Variants in MARCHF1 observed in about 807,000 individuals in gnomAD.
The protein encoded by MARCHF1 is E3 ubiquitin-protein ligase MARCHF1.
MARCHF1 carries 40 observed loss-of-function variants against 54.2 expected under a neutral mutation model. The observed-to-expected ratio is 0.74, with a 90% confidence interval of 0.57 to 0.96. MARCHF1 has a LOEUF of 0.96. Among genes scored for constraint, MARCHF1 ranks in the 40% least tolerant of loss-of-function variants. The pLI is 0.00. For synonymous variants in MARCHF1, 236 were observed against 236.3 expected, an observed-to-expected ratio of 1.00 and a Z score of 0.01; for missense variants, 586 against 656.5, an observed-to-expected ratio of 0.89 and a Z score of 1.17.
chr4:163,748,676 A>G (rs1746430975), intron 4 of MARCHF1, among the ~76,000 whole-genome samples: 5 of 152,232 alleles, frequency 3.3e-5, no homozygotes, highest in Admixed American at 3.3e-4. Flanking sequence ...TCCATCCCTC[A>G]GGGCCAGGGA....
intron 1 of MARCHF1, among the ~76,000 whole-genome samples, chr4:164,229,230 GT>G (rs1191428966): frequency 6.6e-6 from 1 of 152,186 alleles, no homozygotes. Flanking sequence ...CAGTGTAATT[GT>G]TTTTAACGAT....
intron 1 of MARCHF1, among the ~76,000 whole-genome samples, chr4:164,322,792 A>G (rs1292710317): frequency 6.6e-6 from 1 of 152,056 alleles, no homozygotes; most frequent in African/African-American, 2.4e-5. Context: ...GAATGCAAGA[A>G]TATCAATAAT....
intron 4 of MARCHF1, among the ~76,000 whole-genome samples, chr4:163,848,804 A>G (rs1233310339): frequency 6.6e-6 from 1 of 152,192 alleles, no homozygotes; most frequent in Non-Finnish European, 1.5e-5. Flanking sequence ...AAAGATTTTC[A>G]GCTCAATAAA....
chr4:163,633,039 G>C (rs1033097506), intron 5 of MARCHF1, among the ~76,000 whole-genome samples: 5 of 152,086 alleles, frequency 3.3e-5, no homozygotes, highest in Non-Finnish European at 2.9e-5. Context: ...TGAGGGTCCT[G>C]TCTGTTAGAA....
intron 1 of MARCHF1, among the ~76,000 whole-genome samples, chr4:164,134,260 T>C (rs921428400): frequency 5.3e-5 from 8 of 152,184 alleles, no homozygotes; most frequent in African/African-American, 1.7e-4. Context: ...GCAAGAACAA[T>C]TGATTGGTTG....
chr4:164,129,108 T>C (rs1028843078), intron 1 of MARCHF1, among the ~76,000 whole-genome samples: 1 of 152,156 alleles, frequency 6.6e-6, no homozygotes, highest in Non-Finnish European at 1.5e-5. Context: ...TGTGAATACC[T>C]CTCCTTGGAG....
At chr4:163,623,064 A>G (rs1459171489) in intron 5 of MARCHF1, among the ~76,000 whole-genome samples, 1 of 152,196 alleles carries the variant, frequency 6.6e-6, no homozygotes, top group Non-Finnish European at 1.5e-5. Context: ...GCAAGGCAGG[A>G]AATCTGGTTT....
intron 2 of MARCHF1, among the ~76,000 whole-genome samples, chr4:164,100,647 A>G (rs1270379981): frequency 6.6e-6 from 1 of 152,198 alleles, no homozygotes; most frequent in East Asian, 1.9e-4. Context: ...TGCCTTTCAC[A>G]TTCTCATTAA....
intron 1 of MARCHF1, among the ~76,000 whole-genome samples, chr4:164,205,950 TTAA>T (rs1419585186): frequency 6.6e-6 from 1 of 152,164 alleles, no homozygotes; most frequent in Non-Finnish European, 1.5e-5. Flanking sequence ...ACAATGACCA[TTAA>T]TAATAGGCTC....
intron 3 of MARCHF1, among the ~76,000 whole-genome samples, chr4:163,875,760 C>A (rs145031568): frequency 1.3e-5 from 2 of 152,078 alleles, no homozygotes; most frequent in Non-Finnish European, 2.9e-5. Flanking sequence ...AACAATACAA[C>A]GAGGTCAGGT....
At chr4:164,016,227 G>C (rs1429656364) in intron 2 of MARCHF1, among the ~76,000 whole-genome samples, 2 of 152,124 alleles carry the variant, frequency 1.3e-5, no homozygotes, top group East Asian at 3.9e-4. Flanking sequence ...TACAATTATG[G>C]CAGAAAGGGA....
At chr4:164,142,103 G>C (rs1756554597) in intron 1 of MARCHF1, among the ~76,000 whole-genome samples, 1 of 152,210 alleles carries the variant, frequency 6.6e-6, no homozygotes, top group Non-Finnish European at 1.5e-5. Flanking sequence ...CGAATACTGT[G>C]CTTTTCCAAC....
At chr4:164,096,264 A>C (rs1755410144) in intron 2 of MARCHF1, among the ~76,000 whole-genome samples, 1 of 152,172 alleles carries the variant, frequency 6.6e-6, no homozygotes, top group African/African-American at 2.4e-5. Context: ...TATCCTTTGC[A>C]GCAATATGGA....
chr4:164,250,217 A>G (rs1733084696), intron 1 of MARCHF1, among the ~76,000 whole-genome samples: 1 of 152,132 alleles, frequency 6.6e-6, no homozygotes, highest in South Asian at 2.1e-4. Flanking sequence ...TAAAGTCATT[A>G]TGTTTTAGAA....
At chr4:163,991,317 G>C (rs568104682) in intron 2 of MARCHF1, among the ~76,000 whole-genome samples, 1 of 152,182 alleles carries the variant, frequency 6.6e-6, no homozygotes, top group South Asian at 2.1e-4. Flanking sequence ...AACTGTATCA[G>C]GGGAAAAACA....
intron 8 of MARCHF1, among the ~76,000 whole-genome samples, chr4:163,557,302 T>G (rs1317582029): frequency 6.6e-6 from 1 of 152,230 alleles, no homozygotes; most frequent in Non-Finnish European, 1.5e-5. Flanking sequence ...ATGGCAATAT[T>G]CAACTTTGTT....
chr4:164,225,952 G>C (rs1732241346), intron 1 of MARCHF1, among the ~76,000 whole-genome samples: 1 of 152,032 alleles, frequency 6.6e-6, no homozygotes, highest in Non-Finnish European at 1.5e-5. Context: ...AATTTGCAGA[G>C]AAGTGACTGA....
intron 4 of MARCHF1, among the ~76,000 whole-genome samples, chr4:163,778,712 T>C (rs891729249): frequency 6.6e-6 from 1 of 152,122 alleles, no homozygotes; most frequent in Non-Finnish European, 1.5e-5. Flanking sequence ...ATGGATGGAA[T>C]AGGAGGCCAT....
At chr4:164,306,767 T>G (rs1250862346) in intron 1 of MARCHF1, among the ~76,000 whole-genome samples, 2 of 152,152 alleles carry the variant, frequency 1.3e-5, no homozygotes, top group African/African-American at 4.8e-5. Context: ...ATCACTGATC[T>G]GGAAAAGAGA....
Sources: allele counts gnomAD v4.1 joint callset (sites outside exome capture counted in the v4.1 genomes callset), GRCh38; gene constraint gnomAD v4.1.1; transcripts MANE v1.5; gene names NCBI Gene and HGNC (gene_info 2026-07-23, HGNC 2026-07-21).